PKHD1L1: variants seen among roughly 807,000 people sequenced by gnomAD.
The protein encoded by PKHD1L1 is fibrocystin-L.
PKHD1L1 carries 434 observed loss-of-function variants against 462.9 expected under a neutral mutation model. The ratio of observed to expected loss-of-function variants is 0.94; its 90% CI spans 0.87 to 1.02. The LOEUF is 1.02. Ranked by LOEUF, PKHD1L1 falls within the 50% of genes least tolerant of loss-of-function variation. The pLI, the probability that PKHD1L1 is intolerant of heterozygous loss-of-function variation, is 0.00. For missense variants in PKHD1L1, 5,202 were observed against 5,096.1 expected (o/e 1.02, Z -0.63); for synonymous variants, 1,781 against 1,750.0 (o/e 1.02, Z -0.44).
chr8:109,487,895 A>AGGAG (rs1818624238), intron 59 of PKHD1L1, among the ~76,000 whole-genome samples: 1 of 128,258 alleles, frequency 7.8e-6, no homozygotes, highest in Non-Finnish European at 1.7e-5. Flanking sequence ...AGAGAGAGGA[A>AGGAG]GGAAGGAAGG....
chr8:109,491,397 A>G (rs929514873), intron 61 of PKHD1L1, among the ~76,000 whole-genome samples: 2 of 151,840 alleles, frequency 1.3e-5, no homozygotes, highest in African/African-American at 4.8e-5. Context: ...TAGACACTAT[A>G]GCCCTATAAA....
At chr8:109,483,633 CAT>C (rs1328515688) in intron 57 of PKHD1L1, among the ~76,000 whole-genome samples, 1 of 149,670 alleles carries the variant, frequency 6.7e-6, no homozygotes, top group African/African-American at 2.4e-5. Context: ...TCATATTAGT[CAT>C]ATTTTATGCC....
chr8:109,386,050 A>G (rs796703967), intron 6 of PKHD1L1, among the ~76,000 whole-genome samples: 1 of 152,194 alleles, frequency 6.6e-6, no homozygotes, highest in African/African-American at 2.4e-5. Flanking sequence ...CTCGTAACAC[A>G]GTTTTGACAC....
intron 45 of PKHD1L1, 67 bp downstream of exon 45, chr8:109,454,919 C>CA: frequency 6.7e-7 from 1 of 1,499,082 alleles, no homozygotes; most frequent in Non-Finnish European, 9.0e-7. Flanking sequence ...GGATAATTAT[C>CA]CTGTGATAAT....
rs1239313876 is a variant in PKHD1L1, at chr8:109,485,127, T to A, written c.9660T>A (p.Asp3220Glu). The A allele has an allele frequency of 6.3e-7, 1 of 1,597,762 alleles. No individual in the cohort carries two copies. The highest frequency in any genetic ancestry group is 1.3e-5 in the African/African-American group (1 of 74,304). ...ETRSIVKILH[D>E]HKILILNDSL... ...GAAGTATCGTTAAAATCCTGCATGA[T>A]CATAAAATTCTCATTCTTAATGATA... Residue 3220 changes from aspartate (D) to glutamate (E), a missense_variant, in exon 58 of 78, where the codon GAT becomes GAA. By Grantham distance (45) the Asp-to-Glu change is conservative. This residue lies in a region of PKHD1L1 where 4,497 missense variants were observed against 4,336.8 expected (regional missense o/e 1.04). Coordinates refer to ENST00000378402, the MANE Select transcript of PKHD1L1 (RefSeq NM_177531.6).
At chr8:109,449,072 A>C (rs1362553517) in intron 39 of PKHD1L1, among the ~76,000 whole-genome samples, 2 of 152,166 alleles carry the variant, frequency 1.3e-5, no homozygotes, top group African/African-American at 2.4e-5. Context: ...ATCCTTTGTG[A>C]CATCTTTTTT....
At chr8:109,507,623 C>A in intron 68 of PKHD1L1, 40 bp from the exon 69 acceptor site, 1 of 1,533,646 alleles carries the variant, frequency 6.5e-7, no homozygotes, top group Admixed American at 1.7e-5. Context: ...ATATTGCTCT[C>A]TAGAAACAAT....
chr8:109,390,565 G>T (rs1319502666), intron 9 of PKHD1L1, 71 bp downstream of exon 9: 7 of 915,830 alleles, frequency 7.6e-6, no homozygotes, highest in Non-Finnish European at 1.1e-5. Flanking sequence ...TGTATATTTA[G>T]TTTGTGCTGT....
At chr8:109,527,371 G>C (rs1820871968) in intron 77 of PKHD1L1, among the ~76,000 whole-genome samples, 1 of 152,100 alleles carries the variant, frequency 6.6e-6, no homozygotes, top group South Asian at 2.1e-4. Flanking sequence ...GGGCATGGTG[G>C]TGGGCAACTG....
In PKHD1L1 at chr8:109,491,025, C is replaced by G. The variant is rs1818797153; in HGVS notation, c.10038C>G (p.Phe3346Leu). The change falls in exon 61 of 78, where the codon TTC becomes TTG. Residue 3346 changes from phenylalanine to leucine, a missense_variant. Coordinates refer to ENST00000378402, the MANE Select transcript of PKHD1L1 (RefSeq NM_177531.6). ...GAGGCTGTGCTTTTCACCATGGCTT[C>G]TCTCCAGCAATTGGTGTATTTGGGA... ...YIRGCAFHHG[F>L]SPAIGVFGTD... The G allele has an allele frequency of 6.2e-7, 1 of 1,610,058 alleles. No homozygotes were observed. The highest frequency in any genetic ancestry group is 2.2e-5 in the East Asian group (1 of 44,728).
intron 30 of PKHD1L1, among the ~76,000 whole-genome samples, 185 bp downstream of exon 30, chr8:109,436,644 G>A (rs59237049): frequency 0.23 from 34,766 of 151,834 alleles, 4,269 homozygotes; most frequent in African/African-American, 0.31. Flanking sequence ...ACAAAATATT[G>A]TCTCCACATT....
At chr8:109,447,613 T>C (rs901572314) in intron 38 of PKHD1L1, among the ~76,000 whole-genome samples, 10 of 152,222 alleles carry the variant, frequency 6.6e-5, no homozygotes, top group African/African-American at 2.4e-4. Flanking sequence ...AGTCTTTAAA[T>C]TAATTCCTTT....
At chr8:109,397,063 A>G (rs1813014344) in intron 11 of PKHD1L1, among the ~76,000 whole-genome samples, 1 of 152,178 alleles carries the variant, frequency 6.6e-6, no homozygotes, top group Admixed American at 6.5e-5. Flanking sequence ...ATCTGACCAG[A>G]TTTTATGTTT....
intron 39 of PKHD1L1, 120 bp from the exon 40 acceptor site, chr8:109,449,217 TA>T: frequency 1.0e-6 from 1 of 994,852 alleles, no homozygotes; most frequent in Non-Finnish European, 1.4e-6. Context: ...ATTTCAGTTC[TA>T]AAAAACTCTT....
In PKHD1L1 at chr8:109,444,897, C is replaced by A. The variant is rs752811168; in HGVS notation, c.5028C>A (p.Ser1676Arg). The part of the protein sequence containing the change: ...PNAGSTTGMT[S>R]VTIKGSGFAV... ...CAGGATCAACTACAGGAATGACAAG[C>A]GTGACCATAAAAGGCTCTGGATTTG... Residue 1676 changes from serine (S) to arginine (R), a missense_variant, in exon 38 of 78, where the codon AGC becomes AGA. Physicochemically the swap from Ser to Arg is moderately radical, Grantham distance 110. Around this residue, in one of 3 missense-constraint regions of PKHD1L1, gnomAD observed 4,497 missense variants for 4,336.8 expected, o/e 1.04. Coordinates refer to ENST00000378402, the MANE Select transcript of PKHD1L1 (RefSeq NM_177531.6). The A allele has an allele frequency of 6.2e-7, 1 of 1,613,980 alleles. No homozygotes were observed. The highest frequency in any genetic ancestry group is 8.5e-7 in the Non-Finnish European group (1 of 1,179,884).
intron 23 of PKHD1L1, among the ~76,000 whole-genome samples, chr8:109,421,116 A>G (rs772502177): frequency 6.6e-6 from 1 of 151,964 alleles, no homozygotes; most frequent in Non-Finnish European, 1.5e-5. Context: ...TCATAATTCC[A>G]GAAGGACCTG....
rs141337729 is a variant in PKHD1L1 at position 109,438,314 on chromosome 8, C to G, written c.3628-10C>G. 0.014 allele frequency: 20,099 copies of G among 1,463,340 alleles called. 186 individuals carry two copies. The highest frequency in any genetic ancestry group is 0.015 in the Non-Finnish European group (15,894 of 1,094,548). 90.6% of individuals were successfully genotyped at this position (1,463,340 alleles called of 1,614,324 possible). On this transcript the variant is annotated splice_polypyrimidine_tract_variant and intron_variant, in intron 30 of 77. Coordinates refer to ENST00000378402, the MANE Select transcript of PKHD1L1 (RefSeq NM_177531.6). ...ATTAATATTTTCTAATTTTTTTCCT[C>G]TTATTTTAGAAAACTGAGGGTACAG... is the stretch of plus-strand genomic sequence containing the variant.
In PKHD1L1 at chr8:109,400,125, T is replaced by C; in HGVS notation, c.1062T>C (p.Arg354=). The change falls in exon 13 of 78, where the codon CGT becomes CGC. Residue 354 remains arginine, a synonymous_variant. Transcript: ENST00000378402. ...LEVWNNSRPI[R]LEEILEYNEK... ...TGTGGAATAATAGCCGTCCAATACG[T>C]TTGGAAGAGATACTGGAATACAATG... The C allele has an allele frequency of 6.2e-7, 1 of 1,613,542 alleles. No homozygotes were observed. Among genetic ancestry groups the C allele is most frequent in the Non-Finnish European group, 8.5e-7 (1 of 1,179,632 alleles).
At chr8:109,491,406 A>C (rs1818819056) in intron 61 of PKHD1L1, among the ~76,000 whole-genome samples, 1 of 151,818 alleles carries the variant, frequency 6.6e-6, no homozygotes, top group Admixed American at 6.6e-5. Flanking sequence ...TAGCCCTATA[A>C]AATGGAAGAA....
Sources: gnomAD v4.1 joint callset for allele counts (sites outside exome capture counted in the v4.1 genomes callset) on GRCh38, gnomAD v4.1.1 for gene constraint, gnomAD v4.1.1 regional missense constraint, MANE v1.5 for transcripts, NCBI Gene and HGNC (gene_info 2026-07-23, HGNC 2026-07-21) for gene names.